ADAM12: variants seen among roughly 807,000 people sequenced by gnomAD.
The protein encoded by ADAM12 is ADAM metallopeptidase domain 12, also known as disintegrin and metalloproteinase domain-containing protein 12.
A neutral mutation model predicts 106.4 loss-of-function variants in ADAM12; 70 were observed. The observed-to-expected ratio is 0.66, with a 90% CI of 0.54 to 0.80. ADAM12 has a LOEUF of 0.80. ADAM12 is among the 30% of genes least tolerant of loss of function. ADAM12 has a pLI of 0.00. For synonymous variants in ADAM12, 420 were observed against 433.5 expected (o/e 0.97, Z 0.39); for missense variants, 1,010 against 1,171.9 (o/e 0.86, Z 2.02).
chr10:126,288,768 G>A (rs1960004020), intron 2 of ADAM12, among the ~76,000 whole-genome samples: 1 of 151,560 alleles, frequency 6.6e-6, no homozygotes. Context: ...CCAGGGACAG[G>A]ACTATGTGGT....
intron 1 of ADAM12, among the ~76,000 whole-genome samples, chr10:126,358,624 T>C (rs1301129497): frequency 6.6e-6 from 1 of 152,100 alleles, no homozygotes; most frequent in Non-Finnish European, 1.5e-5. Context: ...TTCAACATAG[T>C]GTTGGAAGTC....
At chr10:126,059,161 A>G (rs978805027) in intron 14 of ADAM12, among the ~76,000 whole-genome samples, 9 of 152,202 alleles carry the variant, frequency 5.9e-5, no homozygotes. Flanking sequence ...GAAGTTCCCA[A>G]TGTCATTATA....
intron 3 of ADAM12, among the ~76,000 whole-genome samples, chr10:126,251,890 ATGGATGGGATGGATAGGATGG>A (rs1958778737): frequency 1.0e-5 from 1 of 100,498 alleles, no homozygotes; most frequent in East Asian, 2.9e-4. Context: ...GATGCAATGG[ATGGATGGGATGGATAGGATGG>A]ATGGATGGGA....
At chr10:126,231,283 G>A (rs988354929) in intron 3 of ADAM12, among the ~76,000 whole-genome samples, 13 of 151,850 alleles carry the variant, frequency 8.6e-5, no homozygotes, top group Non-Finnish European at 1.5e-4. Context: ...CTCTGTGTTG[G>A]AACATTTGGC....
intron 3 of ADAM12, among the ~76,000 whole-genome samples, chr10:126,161,679 T>A (rs964982941): frequency 4.6e-5 from 7 of 152,156 alleles, no homozygotes; most frequent in African/African-American, 1.7e-4. Context: ...TGGATGAAAC[T>A]GAGAAGGCGC....
chr10:126,251,697 TG>T (rs1958765390), intron 3 of ADAM12, among the ~76,000 whole-genome samples: 3 of 592 alleles, frequency 5.1e-3, no homozygotes, highest in African/African-American at 0.015. Flanking sequence ...ATGGATGGGA[TG>T]GATGGATAGG....
intron 18 of ADAM12, among the ~76,000 whole-genome samples, chr10:126,041,101 C>T (rs560333536): frequency 7.7e-4 from 117 of 152,278 alleles, no homozygotes; most frequent in African/African-American, 2.1e-3. Context: ...AACCCCCTGC[C>T]GCTCTGTGGG....
intron 3 of ADAM12, among the ~76,000 whole-genome samples, chr10:126,163,765 C>T (rs562822089): frequency 6.6e-6 from 1 of 152,172 alleles, no homozygotes; most frequent in Non-Finnish European, 1.5e-5. Context: ...TTCTTGTTTA[C>T]TTGTCTTCCT....
At chr10:126,158,446 AGAGCACG>A in intron 3 of ADAM12, among the ~76,000 whole-genome samples, 1 of 20,056 alleles carries the variant, frequency 5.0e-5, no homozygotes, top group Non-Finnish European at 1.6e-4. Context: ...GAGGATGCAC[AGAGCACG>A]GGGAGAGAAT....
chr10:126,216,292 C>T (rs1283774832), intron 3 of ADAM12, among the ~76,000 whole-genome samples: 4 of 152,134 alleles, frequency 2.6e-5, no homozygotes, highest in Non-Finnish European at 4.4e-5. Context: ...AAAACTTCGC[C>T]CTAGCCAATG....
chr10:126,203,687 CTT>C, intron 3 of ADAM12, among the ~76,000 whole-genome samples: 1 of 152,166 alleles, frequency 6.6e-6, no homozygotes, highest in East Asian at 1.9e-4. Flanking sequence ...GATCAAATAT[CTT>C]TTGAGGTAAA....
chr10:126,388,032 C>G lies in ADAM12; in HGVS notation c.88+26G>C. 4.2e-6 allele frequency: 5 copies of G among 1,202,368 alleles called. No individual in the cohort carries two copies. The highest frequency in any genetic ancestry group is 5.2e-6 in the Non-Finnish European group (5 of 968,770). 74.5% of individuals were successfully genotyped at this position (1,202,368 alleles called of 1,614,324 possible). ...GCGGTGCCCTCGGCGGGGCGGGCAG[C>G]GAGCCGCCCTAGTTCGGCGACTTAC... On this transcript the variant is annotated intron_variant, in intron 1 of 22. Transcript: ENST00000448723. This position sits in a 1 kb window ranked among gnomAD's most constrained non-coding sequence, Gnocchi z 4.4.
chr10:126,107,677 A>G (rs1454117207), intron 8 of ADAM12, among the ~76,000 whole-genome samples: 1 of 152,114 alleles, frequency 6.6e-6, no homozygotes, highest in Non-Finnish European at 1.5e-5. Flanking sequence ...TTGCTGAGAG[A>G]CTATGGTTGC....
intron 3 of ADAM12, among the ~76,000 whole-genome samples, chr10:126,251,636 T>TG (rs1554995745): frequency 2.7e-5 from 4 of 147,816 alleles, no homozygotes; most frequent in African/African-American, 7.6e-5. Flanking sequence ...ATGGATGGGA[T>TG]GATGGGATGG....
chr10:126,062,188 C>T (rs989211867), intron 14 of ADAM12, among the ~76,000 whole-genome samples: 1 of 152,140 alleles, frequency 6.6e-6, no homozygotes, highest in Non-Finnish European at 1.5e-5. Flanking sequence ...TTTCAGGAAC[C>T]CTGAGCCAAA....
chr10:126,024,682 T>G (rs967091957), intron 21 of ADAM12, among the ~76,000 whole-genome samples: 2 of 152,058 alleles, frequency 1.3e-5, no homozygotes, highest in African/African-American at 4.8e-5. Context: ...TTGAGCTGGT[T>G]GAAGGTAGGG....
At chr10:126,128,627 TGTGA>T (rs1297331414) in intron 5 of ADAM12, among the ~76,000 whole-genome samples, 2 of 145,580 alleles carry the variant, frequency 1.4e-5, no homozygotes, top group African/African-American at 2.6e-5. Flanking sequence ...GGCCTGTGCA[TGTGA>T]GTGTGTGGTG....
At chr10:126,324,465 T>A (rs1379388941) in intron 2 of ADAM12, among the ~76,000 whole-genome samples, 2 of 152,182 alleles carry the variant, frequency 1.3e-5, no homozygotes, top group African/African-American at 4.8e-5. Context: ...ATGGGCATCA[T>A]GCTAAGAAGC....
Position 126,038,325 on chromosome 10 carries a change from G to A in ADAM12, c.2265C>T (p.Pro755=). The A allele has an allele frequency of 1.9e-6, 3 of 1,605,844 alleles. No homozygotes were observed. The highest frequency in any genetic ancestry group is 2.6e-6 in the Non-Finnish European group (3 of 1,175,154). ...GAGCCTGACAGGGTTGGAAGCCACG[G>A]GGTGGCCGGGAAGGGCGCACACACC... ...KLRCVRPSRP[P]RGFQPCQAHL... is the part of the protein sequence containing the mutation. Residue 755 remains proline (P), a synonymous_variant, in exon 20 of 23, where the codon CCC becomes CCT. Coordinates refer to ENST00000448723, the MANE Select transcript of ADAM12 (RefSeq NM_001288973.2).
Sources: allele counts gnomAD v4.1 joint callset (sites outside exome capture counted in the v4.1 genomes callset), GRCh38; gene constraint gnomAD v4.1.1; non-coding constraint Gnocchi (gnomAD v3.1); transcripts MANE v1.5; gene names NCBI Gene and HGNC (gene_info 2026-07-23, HGNC 2026-07-21).